The following ZNF426 variants were observed in gnomAD, a reference collection of about 807,000 sequenced individuals.
ZNF426 encodes the protein zinc finger protein 426, also known as CTC-543D15.7.
ZNF426 carries 23 observed loss-of-function variants against 24.0 expected under a neutral mutation model. That is an observed-to-expected ratio of 0.96 (90% CI 0.69 to 1.36). ZNF426 has a LOEUF of 1.36. Among genes scored for constraint, ZNF426 ranks in the 40% most tolerant of loss-of-function variants. The probability of loss-of-function intolerance (pLI) is 0.00; values close to 1 mark genes in which losing one functional copy is unlikely to be tolerated. For missense variants in ZNF426, 646 were observed against 658.4 expected, an observed-to-expected ratio of 0.98 and a Z score of 0.21; for synonymous variants, 272 against 224.6, an observed-to-expected ratio of 1.21 and a Z score of -1.89.
In ZNF426 at chr19:9,532,839, A is replaced by C. The variant is rs766389254; in HGVS notation, c.325+6T>G. The C allele has an allele frequency of 1.9e-6, 3 of 1,609,566 alleles. No homozygotes were observed. The highest frequency in any genetic ancestry group is 1.7e-5 in the Admixed American group (1 of 59,698). On this transcript the variant is annotated splice_donor_region_variant and intron_variant, in intron 6 of 7. Coordinates refer to ENST00000253115, the MANE Select transcript of ZNF426 (RefSeq NM_024106.3). Reference sequence around the variant, plus strand: ...TCAACCAGAGTTGTTCTTCATGAACACTCACCTTGGAGAACTCCTCCCTGA... The same window carrying C: ...TCAACCAGAGTTGTTCTTCATGAACCCTCACCTTGGAGAACTCCTCCCTGA...
chr19:9,529,691 A>T (rs1169358549), intron 7 of ZNF426, 55 bp from the exon 8 acceptor site: 1 of 1,488,670 alleles, frequency 6.7e-7, no homozygotes, highest in Non-Finnish European at 9.0e-7. Context: ...TTAACAGAAC[A>T]TACCCATCTG....
intron 6 of ZNF426, 94 bp downstream of exon 6, chr19:9,532,751 G>T: frequency 1.1e-6 from 1 of 889,224 alleles, no homozygotes; most frequent in Non-Finnish European, 1.8e-6. Context: ...GGTTTAGAGT[G>T]CAGGGAGAAA....
chr19:9,529,435 T>C lies in ZNF426; in HGVS notation c.610A>G (p.Lys204Glu). 1 of 1,613,768 alleles carries C rather than the reference T, an allele frequency of 6.2e-7. No homozygotes were observed. ...ATATTTGGTGTCAGGCTGAAGATTT[T>C]TTCACTCTGATTAAACTCAGAAAGT... The part of the protein sequence containing the change: ...EKLSEFNQSE[K>E]IFSLTPNIVY... The change falls in exon 8 of 8, where the codon AAA becomes GAA. Residue 204 changes from lysine to glutamate, a missense_variant. Transcript: ENST00000253115.
chr19:9,528,334 G>A lies in ZNF426; in HGVS notation c.*46C>T, dbSNP rs770657884. 1.5e-5 allele frequency: 23 copies of A among 1,515,272 alleles called. No homozygotes were observed. The highest frequency in any genetic ancestry group is 1.8e-4 in the Middle Eastern group (1 of 5,648). 93.9% of individuals were successfully genotyped at this position (1,515,272 alleles called of 1,614,324 possible). ...TCATTCATGTCTTTAAAGTGAACTGGAACAAATGAGAGCTTTCCCACATTT... is the reference window on the plus strand; with the variant it reads ...TCATTCATGTCTTTAAAGTGAACTGAAACAAATGAGAGCTTTCCCACATTT... On this transcript the variant is annotated 3_prime_UTR_variant, in exon 8 of 8. Coordinates refer to ENST00000253115, the MANE Select transcript of ZNF426 (RefSeq NM_024106.3).
Position 9,533,324 on chromosome 19 carries a change from C to T in ZNF426, c.245-399G>A, listed in dbSNP as rs181999134. ...AAAAAAAAATAGCTGGGTGTGGTGG[C>T]GCATGCCAGTAATCCCAGCTATTCG... On this transcript the variant is annotated intron_variant, in intron 5 of 7. Coordinates refer to ENST00000253115, the MANE Select transcript of ZNF426 (RefSeq NM_024106.3). Among the ~76,000 whole-genome samples, 1,084 of 151,730 alleles carry T rather than the reference C, an allele frequency of 7.1e-3. 12 individuals carry two copies. Among genetic ancestry groups the T allele is most frequent in the South Asian group, 0.027 (130 of 4,814 alleles).
chr19:9,531,027 C>T lies in ZNF426; in HGVS notation c.366G>A (p.Gln122=). Residue 122 remains glutamine (Q), a synonymous_variant, in exon 7 of 8, where the codon CAG becomes CAA. Coordinates refer to ENST00000253115, the MANE Select transcript of ZNF426 (RefSeq NM_024106.3). The stretch of plus-strand genomic sequence containing the variant: ...ATGTCTGACCCCTCAAAAAGTCCTG[C>T]TGAAGTATAGACCACTGGGTTTCAA... ...MRLETQWSIL[Q]QDFLRGQTSI... is the part of the protein sequence containing the mutation. The T allele has an allele frequency of 6.2e-7, 1 of 1,614,120 alleles. No homozygotes were observed. The highest frequency in any genetic ancestry group is 8.5e-7 in the Non-Finnish European group (1 of 1,179,986).
Position 9,529,329 on chromosome 19 carries a change from A to C in ZNF426, c.716T>G (p.Leu239Arg). ...ATTGTGAGTTCTCATATGTGCCTGA[A>C]GGTATGACTCATTAATGAAGGATTT... ...CGKSFINESY[L>R]QAHMRTHNGE... Residue 239 changes from leucine (L) to arginine (R), a missense_variant, in exon 8 of 8, where the codon CTT (leucine) becomes CGT (arginine). Physicochemically the swap from Leu to Arg is moderately radical, Grantham distance 102. Transcript: ENST00000253115. The C allele has an allele frequency of 6.2e-7, 1 of 1,614,148 alleles. No homozygotes were observed. Among genetic ancestry groups the C allele is most frequent in the Non-Finnish European group, 8.5e-7 (1 of 1,180,018 alleles).
chr19:9,532,622 C>A (rs1392789412), intron 6 of ZNF426, among the ~76,000 whole-genome samples: 1 of 151,938 alleles, frequency 6.6e-6, no homozygotes, highest in African/African-American at 2.4e-5. Flanking sequence ...TATTTTTGGA[C>A]CATGGTTGAA....
At position 9,528,179 on chromosome 19, in the gene ZNF426, G is replaced by A. The variant is rs1599707032; in HGVS notation, c.*201C>T. 1 of 525,976 alleles carries A rather than the reference G, an allele frequency of 1.9e-6. No individual in the cohort carries two copies. Among genetic ancestry groups the A allele is most frequent in the Middle Eastern group, 5.2e-4 (1 of 1,918 alleles). The allele number at this position is 525,976 out of a possible 1,614,324, so 32.6% of individuals were successfully genotyped here. ...TTTTTTGTATTTTCAGTAGAGACAAGGTTTCACCATGTTGGCCAGGGTGGT... is the reference window on the plus strand; with the variant it reads ...TTTTTTGTATTTTCAGTAGAGACAAAGTTTCACCATGTTGGCCAGGGTGGT... On this transcript the variant is annotated 3_prime_UTR_variant, in exon 8 of 8. Coordinates refer to ENST00000253115, the MANE Select transcript of ZNF426 (RefSeq NM_024106.3).
rs2073802262 is a variant in ZNF426 at position 9,527,154 on chromosome 19, A to G, written c.*1226T>C. On this transcript the variant is annotated 3_prime_UTR_variant, in exon 8 of 8. Coordinates refer to ENST00000253115, the MANE Select transcript of ZNF426 (RefSeq NM_024106.3). ...ATTCATGTACTTATTATGGCATGTG[A>G]AATATTTAAAGGTTATACCATATTC... is the stretch of plus-strand genomic sequence containing the variant. 1 of 152,172 alleles carries G rather than the reference A, an allele frequency of 6.6e-6. No homozygotes were observed. The highest frequency in any genetic ancestry group is 2.4e-5 in the African/African-American group (1 of 41,436). 9.4% of individuals were successfully genotyped at this position (152,172 alleles called of 1,614,324 possible).
intron 7 of ZNF426, 102 bp downstream of exon 7, chr19:9,530,883 G>T: frequency 1.1e-6 from 1 of 920,900 alleles, no homozygotes; most frequent in Non-Finnish European, 1.7e-6. Context: ...TCATGTGTAT[G>T]CAACTTCTCT....
chr19:9,530,935 C>T (rs765052294), intron 7 of ZNF426, 50 bp downstream of exon 7: 3 of 1,471,856 alleles, frequency 2.0e-6, no homozygotes, highest in East Asian at 2.3e-5. Flanking sequence ...AACAGAATTC[C>T]TGATTTTCTC....
At position 9,536,238 on chromosome 19, in the gene ZNF426, G is replaced by A. The variant is rs1014014231; in HGVS notation, c.-6C>T. Reference sequence around the variant, plus strand: ...GACAAATCAGCAGCTGCCATCCCGCGAGGTGAGAACGTGTCAGAACCCTCC... The same window carrying A: ...GACAAATCAGCAGCTGCCATCCCGCAAGGTGAGAACGTGTCAGAACCCTCC... On this transcript the variant is annotated 5_prime_UTR_variant, in exon 3 of 8. Coordinates refer to ENST00000253115, the MANE Select transcript of ZNF426 (RefSeq NM_024106.3). 39 of 1,614,212 alleles carry A rather than the reference G, an allele frequency of 2.4e-5. 1 individual carries two copies. The South Asian group carries it at 2.6e-4, about 11-fold the overall frequency.
Position 9,528,696 on chromosome 19 carries a change from C to G in ZNF426, c.1349G>C (p.Cys450Ser). 19 of 1,614,176 alleles carry G rather than the reference C, an allele frequency of 1.2e-5. No individual in the cohort carries two copies. Among genetic ancestry groups the G allele is most frequent in the Non-Finnish European group, 1.6e-5 (19 of 1,180,018 alleles). ...RTHSAQKPYT[C>S]KECGKAFNYS... is the part of the protein sequence containing the mutation. The stretch of plus-strand genomic sequence containing the variant: ...GTTAAAAGCCTTCCCACATTCCTTA[C>G]AGGTGTATGGTTTCTGGGCACTGTG... The change falls in exon 8 of 8, where the codon TGT becomes TCT. Residue 450 changes from cysteine (C) to serine (S), a missense_variant. By Grantham distance (112) the Cys-to-Ser change is moderately radical. Coordinates refer to ENST00000253115, the MANE Select transcript of ZNF426 (RefSeq NM_024106.3).
At chr19:9,531,284 C>T (rs2073880221) in intron 6 of ZNF426, among the ~76,000 whole-genome samples, 1 of 152,108 alleles carries the variant, frequency 6.6e-6, no homozygotes, top group Non-Finnish European at 1.5e-5. Context: ...ACTCACGGGG[C>T]TCAGGCTGGA....
intron 7 of ZNF426, among the ~76,000 whole-genome samples, chr19:9,530,064 T>C (rs971080254): frequency 7.9e-5 from 12 of 152,080 alleles, no homozygotes; most frequent in African/African-American, 2.9e-4. Flanking sequence ...GAGGTTGCAG[T>C]GACCCAAGAT....
chr19:9,536,223 C>A lies in ZNF426; in HGVS notation c.10G>T (p.Ala4Ser). MAA[A>S]DLSHGHYLSG... The stretch of plus-strand genomic sequence containing the variant: ...CAGAGCTTACCATGGGACAAATCAG[C>A]AGCTGCCATCCCGCGAGGTGAGAAC... Residue 4 changes from alanine (A) to serine (S), a missense_variant, in exon 3 of 8, where the codon GCT becomes TCT. Physicochemically the swap from Ala to Ser is moderately conservative, Grantham distance 99. Coordinates refer to ENST00000253115, the MANE Select transcript of ZNF426 (RefSeq NM_024106.3). 1 of 1,614,204 alleles carries A rather than the reference C, an allele frequency of 6.2e-7. No homozygotes were observed. Among genetic ancestry groups the A allele is most frequent in the Non-Finnish European group, 8.5e-7 (1 of 1,180,042 alleles).
intron 7 of ZNF426, among the ~76,000 whole-genome samples, chr19:9,530,568 C>T (rs921237862): frequency 1.3e-5 from 2 of 151,848 alleles, no homozygotes; most frequent in African/African-American, 4.8e-5. Flanking sequence ...TTGAGACTAG[C>T]CTGGGAAACA....
chr19:9,531,069 T>C lies in ZNF426; in HGVS notation c.326-2A>G. On this transcript the variant is annotated splice_acceptor_variant, in intron 6 of 7. Transcript: ENST00000253115. LOFTEE classifies it high-confidence loss of function. The stretch of plus-strand genomic sequence containing the variant: ...GGGTTTCAAGTCGCATTTCCCATCC[T>C]GAAATAAAACAGACAAACAAATAAA... 3 of 1,613,212 alleles carry C rather than the reference T, an allele frequency of 1.9e-6. No homozygotes were observed. Among genetic ancestry groups the C allele is most frequent in the Non-Finnish European group, 2.5e-6 (3 of 1,179,198 alleles).
Sources: allele counts gnomAD v4.1 joint callset (sites outside exome capture counted in the v4.1 genomes callset), GRCh38; gene constraint gnomAD v4.1.1; transcripts MANE v1.5; gene names NCBI Gene and HGNC (gene_info 2026-07-23, HGNC 2026-07-21).